The following CTNNA3 variants were observed in gnomAD, a reference collection of about 807,000 sequenced individuals.
The protein encoded by CTNNA3 is catenin alpha-3.
In CTNNA3, 76 loss-of-function variants were observed where a neutral mutation model predicts 95.7. That is an observed-to-expected ratio of 0.79 (90% CI 0.66 to 0.96). The LOEUF is 0.96. Ranked by LOEUF, CTNNA3 falls within the 40% of genes least tolerant of loss-of-function variation. The pLI, the probability that CTNNA3 is intolerant of heterozygous loss-of-function variation, is 0.00. For missense variants in CTNNA3, 1,191 were observed against 1,089.8 expected, an observed-to-expected ratio of 1.09 and a Z score of -1.31; for synonymous variants, 431 against 374.4, an observed-to-expected ratio of 1.15 and a Z score of -1.74.
chr10:67,343,717 C>T (rs1842302420), intron 5 of CTNNA3, among the ~76,000 whole-genome samples: 1 of 151,818 alleles, frequency 6.6e-6, no homozygotes. Flanking sequence ...AATTTCACTT[C>T]TTCCTTTCCA....
intron 11 of CTNNA3, among the ~76,000 whole-genome samples, chr10:66,443,871 A>G (rs2093395847): frequency 6.6e-6 from 1 of 152,002 alleles, no homozygotes; most frequent in African/African-American, 2.4e-5. Context: ...CGATCAAACT[A>G]CTCCGAGCTA....
intron 15 of CTNNA3, among the ~76,000 whole-genome samples, chr10:65,998,127 T>C (rs1401847149): frequency 6.6e-6 from 1 of 152,240 alleles, no homozygotes; most frequent in African/African-American, 2.4e-5. Flanking sequence ...TTCAGGATTC[T>C]ACAAGGTAGG....
intron 4 of CTNNA3, among the ~76,000 whole-genome samples, chr10:67,537,017 AG>A (rs1231912857): frequency 1.3e-5 from 2 of 152,172 alleles, no homozygotes; most frequent in Non-Finnish European, 2.9e-5. Context: ...TTACCACAAA[AG>A]ATGTTCCCTT....
chr10:67,302,296 T>G (rs1840359669), intron 5 of CTNNA3, among the ~76,000 whole-genome samples: 1 of 152,052 alleles, frequency 6.6e-6, no homozygotes, highest in Non-Finnish European at 1.5e-5. Context: ...TGGGGAGATG[T>G]TGGTTAAACA....
chr10:66,700,608 A>G (rs1847912663), intron 9 of CTNNA3, among the ~76,000 whole-genome samples: 1 of 152,186 alleles, frequency 6.6e-6, no homozygotes, highest in African/African-American at 2.4e-5. Flanking sequence ...TGTTTTGGCT[A>G]TTCATGGTCT....
At position 66,185,093 on chromosome 10, in the gene CTNNA3, A is replaced by C. The variant is rs557484479; in HGVS notation, c.1885-81844T>G. On this transcript the variant is annotated intron_variant, in intron 13 of 17. Transcript: ENST00000433211. ...CTAGCATAGCTATTGACTGGGTATA[A>C]CATATAAGACCTCTCCTATCTTTCC... Among the ~76,000 whole-genome samples, 4 of 152,336 alleles carry C rather than the reference A, an allele frequency of 2.6e-5. No individual in the cohort carries two copies. The South Asian group carries it at 8.3e-4, about 32-fold the overall frequency.
At chr10:67,159,697 C>T (rs954852275) in intron 7 of CTNNA3, among the ~76,000 whole-genome samples, 7 of 151,968 alleles carry the variant, frequency 4.6e-5, no homozygotes, top group African/African-American at 1.7e-4. Flanking sequence ...GGACCTTTAC[C>T]TTACAACATA....
In CTNNA3 at chr10:67,643,088, T is replaced by C. The variant is rs138172816; in HGVS notation, c.99+4327A>G. The stretch of plus-strand genomic sequence containing the variant: ...AATCAACCTAAACGCCCATCAGTGA[T>C]AGACTGGATAAAGAAAATGTGGTAC... On this transcript the variant is annotated intron_variant, in intron 2 of 17. Transcript: ENST00000433211. Among the ~76,000 whole-genome samples the C allele has an allele frequency of 3.6e-3, 552 of 152,322 alleles. 5 individuals are homozygous for C. Among genetic ancestry groups the C allele is most frequent in the African/African-American group, 0.012 (519 of 41,570 alleles).
chr10:66,558,306 T>G (rs1287500134), intron 10 of CTNNA3, among the ~76,000 whole-genome samples: 1 of 152,128 alleles, frequency 6.6e-6, no homozygotes, highest in Non-Finnish European at 1.5e-5. Flanking sequence ...CACTTCTACT[T>G]TCTATATGAA....
At chr10:67,058,065 C>A (rs1855546050) in intron 7 of CTNNA3, among the ~76,000 whole-genome samples, 1 of 152,186 alleles carries the variant, frequency 6.6e-6, no homozygotes, top group Admixed American at 6.5e-5. Context: ...CCTGTCATGT[C>A]TTTCAACTAA....
chr10:66,125,795 G>C (rs944731206), intron 13 of CTNNA3, among the ~76,000 whole-genome samples: 5 of 152,124 alleles, frequency 3.3e-5, no homozygotes, highest in Non-Finnish European at 5.9e-5. Context: ...ATGTTGAAAA[G>C]AACAAAACTA....
At chr10:66,123,635 C>G (rs948521059) in intron 13 of CTNNA3, among the ~76,000 whole-genome samples, 1 of 152,146 alleles carries the variant, frequency 6.6e-6, no homozygotes, top group Admixed American at 6.5e-5. Context: ...CATGGGATCC[C>G]CACCCTGCAA....
At chr10:65,997,842 C>T (rs1177326904) in intron 15 of CTNNA3, among the ~76,000 whole-genome samples, 1 of 152,032 alleles carries the variant, frequency 6.6e-6, no homozygotes, top group Non-Finnish European at 1.5e-5. Flanking sequence ...CATGGAGAAA[C>T]CCCATCTGTA....
intron 7 of CTNNA3, among the ~76,000 whole-genome samples, chr10:67,000,062 T>C (rs555072610): frequency 1.4e-4 from 21 of 152,292 alleles, no homozygotes; most frequent in African/African-American, 5.1e-4. Context: ...TTAGTATACA[T>C]GGAAATGATC....
chr10:66,552,312 T>C (rs1481166032), intron 10 of CTNNA3, among the ~76,000 whole-genome samples: 2 of 152,164 alleles, frequency 1.3e-5, no homozygotes, highest in Admixed American at 6.5e-5. Context: ...ATGAGAGTTG[T>C]ATTGGAGTTT....
At chr10:66,933,226 A>G (rs147788892) in intron 7 of CTNNA3, among the ~76,000 whole-genome samples, 5 of 152,370 alleles carry the variant, frequency 3.3e-5, no homozygotes, top group African/African-American at 1.2e-4. Context: ...AGTCTAGAAC[A>G]TCGTCTTTGA....
At chr10:67,705,207 G>T (rs964867548) in intron 1 of CTNNA3, among the ~76,000 whole-genome samples, 61 of 152,220 alleles carry the variant, frequency 4.0e-4, no homozygotes, top group African/African-American at 1.4e-3. Context: ...AACCATTGTG[G>T]AAGACAGTGT....
intron 15 of CTNNA3, among the ~76,000 whole-genome samples, chr10:66,032,688 A>G (rs1377951029): frequency 6.6e-6 from 1 of 152,230 alleles, no homozygotes; most frequent in Non-Finnish European, 1.5e-5. Flanking sequence ...TAAGTAATTT[A>G]TCACATCTAA....
intron 5 of CTNNA3, among the ~76,000 whole-genome samples, chr10:67,346,130 T>C (rs1564583399): frequency 6.6e-6 from 1 of 152,180 alleles, no homozygotes; most frequent in Non-Finnish European, 1.5e-5. Flanking sequence ...AAAAACTCTA[T>C]ACTTTGTTCC....
Sources: gnomAD v4.1 joint callset for allele counts (sites outside exome capture counted in the v4.1 genomes callset) on GRCh38, gnomAD v4.1.1 for gene constraint, MANE v1.5 for transcripts, NCBI Gene and HGNC (gene_info 2026-07-23, HGNC 2026-07-21) for gene names.